The following STK3 variants were observed in gnomAD, a reference collection of about 807,000 sequenced individuals.
STK3 encodes the protein serine/threonine-protein kinase 3.
In STK3, 41 loss-of-function variants were observed where a neutral mutation model predicts 58.0. The ratio of observed to expected loss-of-function variants is 0.71; its 90% CI spans 0.55 to 0.92. The LOEUF (loss-of-function observed/expected upper bound fraction) is 0.92. STK3 is among the 40% of genes least tolerant of loss of function. STK3 has a pLI of 0.00. For synonymous variants in STK3, 170 were observed against 191.0 expected (o/e 0.89, Z 0.91); for missense variants, 479 against 602.7 (o/e 0.79, Z 2.15).
chr8:98,805,959 A>G (rs1158318993), intron 1 of STK3, among the ~76,000 whole-genome samples: 4 of 152,138 alleles, frequency 2.6e-5, no homozygotes, highest in African/African-American at 9.7e-5. Flanking sequence ...CCACACAAGC[A>G]CACACACATA....
chr8:98,763,502 T>C (rs1181898256), intron 3 of STK3, among the ~76,000 whole-genome samples: 2 of 152,112 alleles, frequency 1.3e-5, no homozygotes, highest in Non-Finnish European at 2.9e-5. Flanking sequence ...GAAATGCATA[T>C]CTCATTTTCC....
intron 6 of STK3, among the ~76,000 whole-genome samples, chr8:98,649,078 A>G (rs529238743): frequency 6.6e-6 from 1 of 152,000 alleles, no homozygotes; most frequent in East Asian, 1.9e-4. Context: ...AAAAAACTCA[A>G]TGTTACTTTA....
intron 10 of STK3, among the ~76,000 whole-genome samples, chr8:98,517,129 A>G (rs1824990098): frequency 6.6e-6 from 1 of 152,000 alleles, no homozygotes; most frequent in African/African-American, 2.4e-5. Flanking sequence ...TCTTTTTTCC[A>G]AAATACTTTC....
chr8:98,522,749 C>T (rs549578214), intron 10 of STK3, among the ~76,000 whole-genome samples: 3 of 152,142 alleles, frequency 2.0e-5, no homozygotes, highest in African/African-American at 4.8e-5. Flanking sequence ...TTTTCCATCT[C>T]GATGAATTTG....
intron 6 of STK3, among the ~76,000 whole-genome samples, chr8:98,647,934 G>C: frequency 6.6e-6 from 1 of 152,166 alleles, no homozygotes; most frequent in Non-Finnish European, 1.5e-5. Context: ...TGTGCATCAG[G>C]AGGTATCTTT....
chr8:98,687,842 C>A (rs1388921365), intron 6 of STK3, among the ~76,000 whole-genome samples: 1 of 152,066 alleles, frequency 6.6e-6, no homozygotes, highest in Non-Finnish European at 1.5e-5. Context: ...AGCACATAAC[C>A]CACAGACTCT....
downstream of STK3, among the ~76,000 whole-genome samples, chr8:98,369,495 T>A (rs182470262): frequency 6.6e-6 from 1 of 152,196 alleles, no homozygotes; most frequent in Admixed American, 6.5e-5. Context: ...CTAGGTGGTT[T>A]AGCAGCTGGA....
intron 6 of STK3, among the ~76,000 whole-genome samples, chr8:98,625,162 A>G (rs1306994020): frequency 1.3e-5 from 2 of 152,182 alleles, no homozygotes; most frequent in Non-Finnish European, 2.9e-5. Flanking sequence ...TGGCCTTGTC[A>G]TTAGCTAGCA....
intron 6 of STK3, chr8:98,597,852 TA>T (rs1815964533): frequency 1.0e-6 from 1 of 981,690 alleles, no homozygotes; most frequent in African/African-American, 1.8e-5. Context: ...ATGAAACGAA[TA>T]GCAAACAACT....
At chr8:98,858,357 G>GAGAGAC (rs1564065967) in intron 3 of STK3, among the ~76,000 whole-genome samples, 1 of 136,834 alleles carries the variant, frequency 7.3e-6, no homozygotes, top group Non-Finnish European at 1.6e-5. Flanking sequence ...GAGAGAGAGA[G>GAGAGAC]AGACAGAGAG....
chr8:98,628,819 C>CAA (rs10571679), intron 6 of STK3, among the ~76,000 whole-genome samples: 4 of 64,102 alleles, frequency 6.2e-5, no homozygotes, highest in Non-Finnish European at 5.5e-5. Context: ...CTCCACACTC[C>CAA]AAAAAAAAAA....
chr8:98,370,954 CTT>C (rs908329674), downstream of STK3, among the ~76,000 whole-genome samples: 3 of 152,180 alleles, frequency 2.0e-5, no homozygotes, highest in African/African-American at 7.2e-5. Flanking sequence ...ATGTGAAAGA[CTT>C]TGCCTAGAGT....
intron 3 of STK3, among the ~76,000 whole-genome samples, chr8:98,853,756 G>A (rs967226592): frequency 6.6e-6 from 1 of 152,188 alleles, no homozygotes; most frequent in Non-Finnish European, 1.5e-5. Flanking sequence ...ACAAACTACT[G>A]AAACTGACTC....
intron 1 of STK3, among the ~76,000 whole-genome samples, chr8:98,818,995 T>C (rs1296084775): frequency 6.6e-6 from 1 of 152,140 alleles, no homozygotes; most frequent in Non-Finnish European, 1.5e-5. Flanking sequence ...TAATTTTTTG[T>C]ATTTTGTTTA....
intron 1 of STK3, among the ~76,000 whole-genome samples, chr8:98,820,986 T>A (rs1362249975): frequency 6.6e-6 from 1 of 151,296 alleles, no homozygotes; most frequent in Non-Finnish European, 1.5e-5. Flanking sequence ...TCAAAAAAAA[T>A]AATAAAATAA....
At chr8:98,476,764 C>A (rs548258862) in intron 10 of STK3, among the ~76,000 whole-genome samples, 1 of 152,182 alleles carries the variant, frequency 6.6e-6, no homozygotes. Flanking sequence ...ATTATTTTTA[C>A]ACAGTCAACT....
At position 98,800,744 on chromosome 8, in the gene STK3, G is replaced by A. The variant is rs541903007; in HGVS notation, c.26+24771C>T. Among the ~76,000 whole-genome samples the A allele has an allele frequency of 7.9e-5, 12 of 152,308 alleles. No homozygotes were observed. Among genetic ancestry groups the A allele is most frequent in the Non-Finnish European group, 1.2e-4 (8 of 68,014 alleles). On this transcript the variant is annotated intron_variant, in intron 1 of 10. Coordinates refer to ENST00000419617, the MANE Select transcript of STK3 (RefSeq NM_006281.4). The surrounding 1 kb of genome is among the most constrained non-coding windows in gnomAD (Gnocchi z 4.8). ...GCTTAGCACCCGGGCCAGCAGCTGCGGAAGGGGCACCGGGTACCCCAGCAC... is the reference window on the plus strand; with the variant it reads ...GCTTAGCACCCGGGCCAGCAGCTGCAGAAGGGGCACCGGGTACCCCAGCAC...
At chr8:98,578,813 C>G (rs1263631302) in intron 8 of STK3, among the ~76,000 whole-genome samples, 1 of 152,088 alleles carries the variant, frequency 6.6e-6, no homozygotes, top group Non-Finnish European at 1.5e-5. Context: ...AAATATATAA[C>G]TTGAAACACA....
chr8:98,427,196 C>G (rs1057451186), intron 3 of STK3: 11 of 149,544 alleles, frequency 7.4e-5, no homozygotes, highest in African/African-American at 2.5e-4. Flanking sequence ...GCGGCCCCCG[C>G]CCGCCGGCCC....
Sources: gnomAD v4.1 joint callset for allele counts (sites outside exome capture counted in the v4.1 genomes callset) on GRCh38, gnomAD v4.1.1 for gene constraint, Gnocchi (gnomAD v3.1) non-coding constraint, MANE v1.5 for transcripts, NCBI Gene and HGNC (gene_info 2026-07-23, HGNC 2026-07-21) for gene names.